The following FOXP4 variants were observed in gnomAD, a reference collection of about 807,000 sequenced individuals.
FOXP4 encodes the protein forkhead box P4.
FOXP4 carries 25 observed loss-of-function variants against 82.6 expected under a neutral mutation model. That is an observed-to-expected ratio of 0.30 (90% CI 0.22 to 0.42). The LOEUF is 0.42. FOXP4 is among the 10% of genes least tolerant of loss of function. The probability of loss-of-function intolerance (pLI) is 1.00; values close to 1 mark genes in which losing one functional copy is unlikely to be tolerated. For missense variants in FOXP4, 785 were observed against 900.9 expected (o/e 0.87, Z 1.65); for synonymous variants, 415 against 388.2 (o/e 1.07, Z -0.81).
At position 41,588,634 on chromosome 6, in the gene FOXP4, C is replaced by A. The variant is rs1209506990; in HGVS notation, c.978-10C>A. On this transcript the variant is annotated splice_polypyrimidine_tract_variant and intron_variant, in intron 8 of 16. Transcript: ENST00000307972. Reference sequence around the variant, plus strand: ...AGCCAACTTTCTCTCCTCCTCTCTTCCCCTTGAAGACACCTCAACACAGAG... The same window carrying A: ...AGCCAACTTTCTCTCCTCCTCTCTTACCCTTGAAGACACCTCAACACAGAG... 1.9e-6 allele frequency: 3 copies of A among 1,614,010 alleles called. No homozygotes were observed. The South Asian group carries it at 3.3e-5, about 18-fold the overall frequency.
Position 41,597,261 on chromosome 6 carries a change from A to G in FOXP4, c.1725+19A>G. ...CTACCAGGTGACCTGCCCAGAGCCC[A>G]CCCACTCACCTCTACCTCCCGCCCC... On this transcript the variant is annotated intron_variant, in intron 15 of 16. Transcript: ENST00000307972. 2 of 1,612,886 alleles carry G rather than the reference A, an allele frequency of 1.2e-6. No individual in the cohort carries two copies. Among genetic ancestry groups the G allele is most frequent in the South Asian group, 1.1e-5 (1 of 91,036 alleles).
intron 3 of FOXP4, among the ~76,000 whole-genome samples, chr6:41,580,081 G>T (rs1431857628): frequency 3.9e-5 from 5 of 128,538 alleles, no homozygotes; most frequent in East Asian, 2.3e-4. Flanking sequence ...GTCTCTTGTT[G>T]CCCAGGCTGG....
chr6:41,556,138 A>C (rs1764263294), intron 1 of FOXP4, among the ~76,000 whole-genome samples: 1 of 151,976 alleles, frequency 6.6e-6, no homozygotes, highest in African/African-American at 2.4e-5. Flanking sequence ...GGGGAGGAGC[A>C]CTGGTTTAGG....
intron 10 of FOXP4, 41 bp from the exon 11 acceptor site, chr6:41,589,921 AC>A: frequency 6.4e-7 from 1 of 1,560,168 alleles, no homozygotes; most frequent in East Asian, 2.5e-5. Flanking sequence ...CGGGACCCCC[AC>A]CCTCGGGCAC....
intron 2 of FOXP4, among the ~76,000 whole-genome samples, chr6:41,574,965 G>A (rs954628441): frequency 2.0e-5 from 3 of 151,116 alleles, no homozygotes; most frequent in Non-Finnish European, 4.4e-5. Context: ...TTTGTTTTGT[G>A]TTTTGTTTTG....
At position 41,600,236 on chromosome 6, in the gene FOXP4, C is replaced by T. The variant is rs1767144083; in HGVS notation, c.*1300C>T. On this transcript the variant is annotated 3_prime_UTR_variant, in exon 17 of 17. Transcript: ENST00000307972. Reference sequence around the variant, plus strand: ...AGGAGGGGAGAAAGCGGGCTCTCACCCCCTCAGGAGTGGGCACGGGAGCCC... The same window carrying T: ...AGGAGGGGAGAAAGCGGGCTCTCACTCCCTCAGGAGTGGGCACGGGAGCCC... 1 of 152,604 alleles carries T rather than the reference C, an allele frequency of 6.6e-6. No individual in the cohort carries two copies. The highest frequency in any genetic ancestry group is 1.5e-5 in the Non-Finnish European group (1 of 68,140). 9.5% of individuals were successfully genotyped at this position (152,604 alleles called of 1,614,324 possible).
intron 10 of FOXP4, 39 bp from the exon 11 acceptor site, chr6:41,589,924 C>T: frequency 6.2e-7 from 1 of 1,611,362 alleles, no homozygotes; most frequent in Non-Finnish European, 8.5e-7. Flanking sequence ...GACCCCCACC[C>T]TCGGGCACTG....
At chr6:41,588,002 G>A in intron 8 of FOXP4, 105 bp downstream of exon 8, 1 of 665,320 alleles carries the variant, frequency 1.5e-6, no homozygotes, top group Non-Finnish European at 2.7e-6. Flanking sequence ...CTCACTAGCT[G>A]TACTACTGTC....
chr6:41,582,713 C>T (rs1018912485), intron 3 of FOXP4, among the ~76,000 whole-genome samples: 2 of 131,452 alleles, frequency 1.5e-5, no homozygotes, highest in Middle Eastern at 3.7e-3. Flanking sequence ...CGTTGTCTGC[C>T]TCCAACCCCA....
At chr6:41,585,023 A>AT (rs1054958670) in intron 4 of FOXP4, 132 bp downstream of exon 4, 39 of 1,278,606 alleles carry the variant, frequency 3.1e-5, no homozygotes, top group Non-Finnish European at 6.3e-6. Flanking sequence ...ACTGATCTGC[A>AT]TTCCTCTAGG....
intron 5 of FOXP4, among the ~76,000 whole-genome samples, chr6:41,586,802 G>A (rs186394365): frequency 8.3e-4 from 126 of 152,192 alleles, no homozygotes; most frequent in Middle Eastern, 3.4e-3. Flanking sequence ...GCGTGCGTGC[G>A]TGCGTGCATG....
Position 41,591,430 on chromosome 6 carries a change from C to A in FOXP4, c.1536+108C>A. ...TTAGTTCCCTAAACCATTAGTCCTG[C>A]AGAAACAGCCACCCAAGGGCCCAGC... On this transcript the variant is annotated intron_variant, in intron 13 of 16. Transcript: ENST00000307972. The surrounding 1 kb of genome is among the most constrained non-coding windows in gnomAD (Gnocchi z 4.2). The A allele has an allele frequency of 2.1e-6, 2 of 960,484 alleles. No individual in the cohort carries two copies. Among genetic ancestry groups the A allele is most frequent in the Non-Finnish European group, 3.2e-6 (2 of 626,868 alleles). The allele number at this position is 960,484 out of a possible 1,614,324, so 59.5% of individuals were successfully genotyped here.
At chr6:41,580,525 G>C (rs570870547) in intron 3 of FOXP4, among the ~76,000 whole-genome samples, 1 of 152,322 alleles carries the variant, frequency 6.6e-6, no homozygotes, top group South Asian at 2.1e-4. Flanking sequence ...GGGCCATGGA[G>C]CCATGCTTCC....
In FOXP4 at chr6:41,601,989, G is replaced by C. The variant is rs896809183; in HGVS notation, c.*3053G>C. ...CAAATGCTGGGAGAAGGACCTGGAG[G>C]GTGAGTCTTTGCTGACCTCTCTCTA... On this transcript the variant is annotated 3_prime_UTR_variant, in exon 17 of 17. Transcript: ENST00000307972. 6.6e-6 allele frequency: 1 copy of C among 152,196 alleles called. No homozygotes were observed. The highest frequency in any genetic ancestry group is 1.5e-5 in the Non-Finnish European group (1 of 68,040). The allele number at this position is 152,196 out of a possible 1,614,324, so 9.4% of individuals were successfully genotyped here.
intron 2 of FOXP4, among the ~76,000 whole-genome samples, chr6:41,571,940 G>A (rs191993522): frequency 4.3e-4 from 66 of 152,210 alleles, no homozygotes; most frequent in South Asian, 4.2e-4. Context: ...TAGATGAAGC[G>A]ATATTCCTTC....
At chr6:41,579,372 T>G (rs552879104) in intron 3 of FOXP4, among the ~76,000 whole-genome samples, 20 of 152,270 alleles carry the variant, frequency 1.3e-4, no homozygotes, top group African/African-American at 4.6e-4. Context: ...CTCTTTAAAT[T>G]AATGATCCCC....
intron 1 of FOXP4, among the ~76,000 whole-genome samples, chr6:41,548,074 T>G (rs988155131): frequency 5.2e-4 from 79 of 152,160 alleles, no homozygotes; most frequent in African/African-American, 1.9e-3. Context: ...CGATCCTAGG[T>G]TGGGGGGAAA....
chr6:41,585,410 A>G (rs770689434), intron 4 of FOXP4, 21 bp from the exon 5 acceptor site: 64 of 1,612,306 alleles, frequency 4.0e-5, no homozygotes, highest in Non-Finnish European at 5.3e-5. Flanking sequence ...TGCCAGTGGT[A>G]ACCCTCCTCC....
chr6:41,599,017 C>T lies in FOXP4; in HGVS notation c.*81C>T, dbSNP rs1436117928. ...CCCCATCTCCCCCAACTCCACAGCC[C>T]CTCCCGAGCCTCAAGGCAAGTCCAG... is the stretch of plus-strand genomic sequence containing the variant. On this transcript the variant is annotated 3_prime_UTR_variant, in exon 17 of 17. Coordinates refer to ENST00000307972, the MANE Select transcript of FOXP4 (RefSeq NM_001012426.2). The T allele has an allele frequency of 6.9e-7, 1 of 1,450,994 alleles. No homozygotes were observed. The highest frequency in any genetic ancestry group is 9.1e-7 in the Non-Finnish European group (1 of 1,099,494). 89.9% of individuals were successfully genotyped at this position (1,450,994 alleles called of 1,614,324 possible).
Sources: gnomAD v4.1 joint callset for allele counts (sites outside exome capture counted in the v4.1 genomes callset) on GRCh38, gnomAD v4.1.1 for gene constraint, Gnocchi (gnomAD v3.1) non-coding constraint, MANE v1.5 for transcripts, NCBI Gene and HGNC (gene_info 2026-07-23, HGNC 2026-07-21) for gene names.